The following DENND1A variants were observed in gnomAD, a reference collection of about 807,000 sequenced individuals.
DENND1A encodes DENN domain containing 1A, also known as DENN domain-containing protein 1A.
Under a neutral mutation model 113.7 loss-of-function variants are expected in DENND1A, and 51 were observed. The ratio of observed to expected loss-of-function variants is 0.45; its 90% CI spans 0.36 to 0.57. DENND1A has a LOEUF of 0.57. DENND1A is among the 20% of genes least tolerant of loss of function. The pLI, the probability that DENND1A is intolerant of heterozygous loss-of-function variation, is 0.00. For missense variants in DENND1A, 1,258 were observed against 1,395.9 expected, an observed-to-expected ratio of 0.90 and a Z score of 1.57; for synonymous variants, 565 against 570.8, an observed-to-expected ratio of 0.99 and a Z score of 0.14.
intron 19 of DENND1A, among the ~76,000 whole-genome samples, chr9:123,434,633 G>A (rs1446500064): frequency 6.6e-6 from 1 of 152,216 alleles, no homozygotes; most frequent in African/African-American, 2.4e-5. Flanking sequence ...GTGACAAGCG[G>A]CGTGTGCATA....
chr9:123,439,402 T>C (rs1256190728), intron 19 of DENND1A, among the ~76,000 whole-genome samples: 3 of 152,204 alleles, frequency 2.0e-5, no homozygotes. Context: ...AGCAAGAATT[T>C]TGTGAGTTTC....
chr9:123,859,840 G>A (rs1844804427), intron 2 of DENND1A, among the ~76,000 whole-genome samples: 1 of 152,154 alleles, frequency 6.6e-6, no homozygotes, highest in Non-Finnish European at 1.5e-5. Flanking sequence ...TATTTAAAAG[G>A]AGAGGAGAGG....
intron 5 of DENND1A, among the ~76,000 whole-genome samples, chr9:123,686,388 T>C (rs2064812370): frequency 6.6e-6 from 1 of 152,216 alleles, no homozygotes; most frequent in African/African-American, 2.4e-5. Context: ...TGATAAATCC[T>C]GAGATTAGGA....
At chr9:123,926,217 C>A (rs1260421226) in intron 1 of DENND1A, among the ~76,000 whole-genome samples, 1 of 152,140 alleles carries the variant, frequency 6.6e-6, no homozygotes, top group East Asian at 1.9e-4. Context: ...GTGACCTTCT[C>A]TTTTTTTGTC....
chr9:123,898,461 C>A (rs1249263442), intron 1 of DENND1A, among the ~76,000 whole-genome samples: 1 of 152,036 alleles, frequency 6.6e-6, no homozygotes, highest in Non-Finnish European at 1.5e-5. Flanking sequence ...CCCAAGTAGC[C>A]AGGACTACAG....
rs745939619 is a variant in DENND1A, at chr9:123,557,572, G to A, written c.991C>T (p.Pro331Ser). Residue 331 changes from proline to serine, a missense_variant and splice_region_variant, in exon 13 of 24, where the codon CCG (proline) becomes TCG (serine). By Grantham distance (74) the Pro-to-Ser change is moderately conservative. Coordinates refer to ENST00000394215, the MANE Select transcript of DENND1A (RefSeq NM_001352964.2). ...GSYRNALKIEPEEPITFCEEA... is the reference protein window; with the variant it reads ...GSYRNALKIESEEPITFCEEA... ...TGTGACATGCCAAGGCTACTCACCG[G>A]CTCGATTTTCAGAGCGTTTCGGTAG... is the stretch of plus-strand genomic sequence containing the variant. 6.2e-6 allele frequency: 10 copies of A among 1,613,444 alleles called. 1 individual carries two copies. In the South Asian group the frequency reaches 1.1e-4, roughly 18 times the overall value.
At chr9:123,528,376 T>C (rs1221524883) in intron 13 of DENND1A, among the ~76,000 whole-genome samples, 1 of 152,216 alleles carries the variant, frequency 6.6e-6, no homozygotes, top group Non-Finnish European at 1.5e-5. Context: ...GGGAGTTGCT[T>C]GGCAGAAACT....
chr9:123,761,392 G>A (rs553762948), intron 4 of DENND1A, among the ~76,000 whole-genome samples: 1 of 152,318 alleles, frequency 6.6e-6, no homozygotes, highest in East Asian at 1.9e-4. Flanking sequence ...GACGCAAGCT[G>A]TTGCCAACTG....
rs530166083 is a variant in DENND1A, at chr9:123,827,523, C to T, written c.89-34893G>A. 6.6e-5 allele frequency among the ~76,000 whole-genome samples: 10 copies of T among 152,002 alleles called. No individual in the cohort carries two copies. The East Asian group carries it at 1.9e-3, about 29-fold the overall frequency. On this transcript the variant is annotated intron_variant, in intron 2 of 23. Transcript: ENST00000394215. ...GCAACCAGAGTGAGACCTTGTCACA[C>T]ACACATGTACATGTACACACAGACA...
intron 19 of DENND1A, chr9:123,414,197 G>A (rs2044536260): frequency 9.2e-7 from 1 of 1,088,346 alleles, no homozygotes; most frequent in East Asian, 6.2e-5. Flanking sequence ...AAGCCTTACT[G>A]TCCTCATCTG....
chr9:123,480,218 C>T (rs947940685), intron 13 of DENND1A, among the ~76,000 whole-genome samples: 6 of 152,198 alleles, frequency 3.9e-5, no homozygotes. Flanking sequence ...GCCCCTGCTT[C>T]CAGACTCTCT....
At chr9:123,575,674 A>T (rs755596439) in intron 12 of DENND1A, among the ~76,000 whole-genome samples, 1 of 152,210 alleles carries the variant, frequency 6.6e-6, no homozygotes, top group Non-Finnish European at 1.5e-5. Context: ...GAATAAATAC[A>T]TTCTAGCCCA....
chr9:123,520,292 A>G (rs1233675402), intron 13 of DENND1A, among the ~76,000 whole-genome samples: 1 of 151,852 alleles, frequency 6.6e-6, no homozygotes, highest in African/African-American at 2.4e-5. Context: ...CCCTGTCTCT[A>G]CTAAAAGTAC....
In DENND1A at chr9:123,433,758, G is replaced by A. The variant is rs540702498; in HGVS notation, c.1488+6602C>T. The stretch of plus-strand genomic sequence containing the variant: ...TCTCTTTCACAGATAAAACCTTTAC[G>A]CCTAATTTATCCTGTTGCTTGCTTC... On this transcript the variant is annotated intron_variant, in intron 19 of 23. Coordinates refer to ENST00000394215, the MANE Select transcript of DENND1A (RefSeq NM_001352964.2). Among the ~76,000 whole-genome samples the A allele has an allele frequency of 5.9e-5, 9 of 151,944 alleles. No individual in the cohort carries two copies. In the South Asian group the frequency reaches 1.2e-3, roughly 21 times the overall value.
intron 12 of DENND1A, among the ~76,000 whole-genome samples, chr9:123,559,728 T>G (rs2057628485): frequency 6.6e-6 from 1 of 152,188 alleles, no homozygotes; most frequent in African/African-American, 2.4e-5. Context: ...AGTTCGGTGG[T>G]TTTTAGTGTA....
chr9:123,663,335 A>G (rs941487646), intron 8 of DENND1A, among the ~76,000 whole-genome samples: 1 of 152,236 alleles, frequency 6.6e-6, no homozygotes, highest in African/African-American at 2.4e-5. Context: ...TCTAAATAAT[A>G]ACTAATTTCA....
intron 12 of DENND1A, among the ~76,000 whole-genome samples, chr9:123,578,556 TTA>T (rs2058733084): frequency 6.6e-6 from 1 of 152,192 alleles, no homozygotes; most frequent in Non-Finnish European, 1.5e-5. Context: ...CAAGCCTCTT[TTA>T]ATAAAGTTTC....
intron 13 of DENND1A, among the ~76,000 whole-genome samples, chr9:123,490,496 G>A (rs2051273035): frequency 6.6e-6 from 1 of 152,086 alleles, no homozygotes; most frequent in Non-Finnish European, 1.5e-5. Flanking sequence ...GGGTGAGGCA[G>A]GAGAATCGCT....
intron 11 of DENND1A, among the ~76,000 whole-genome samples, chr9:123,589,741 T>C (rs1442397828): frequency 2.6e-5 from 4 of 151,958 alleles, no homozygotes; most frequent in African/African-American, 9.7e-5. Flanking sequence ...AAATGGCACT[T>C]TCCCATATAT....
Sources: allele counts gnomAD v4.1 joint callset (sites outside exome capture counted in the v4.1 genomes callset), GRCh38; gene constraint gnomAD v4.1.1; transcripts MANE v1.5; gene names NCBI Gene and HGNC (gene_info 2026-07-23, HGNC 2026-07-21).